The following ZCCHC4 variants were observed in gnomAD, a reference collection of about 807,000 sequenced individuals.
ZCCHC4 encodes the protein zinc finger CCHC-type containing 4, also known as rRNA N(6)-adenosine-methyltransferase ZCCHC4.
ZCCHC4 carries 54 observed loss-of-function variants against 67.7 expected under a neutral mutation model. The ratio of observed to expected loss-of-function variants is 0.80; its 90% CI spans 0.64 to 1.00. The LOEUF is 1.00. Ranked by LOEUF, ZCCHC4 falls within the 50% of genes least tolerant of loss-of-function variation. The pLI, the probability that ZCCHC4 is intolerant of heterozygous loss-of-function variation, is 0.00. For missense variants in ZCCHC4, 609 were observed against 617.0 expected (o/e 0.99, Z 0.14); for synonymous variants, 198 against 213.5 (o/e 0.93, Z 0.63).
At chr4:25,355,261 A>C (rs75976397) in intron 8 of ZCCHC4, among the ~76,000 whole-genome samples, 1 of 152,196 alleles carries the variant, frequency 6.6e-6, no homozygotes, top group East Asian at 1.9e-4. Context: ...AAGTCACTTT[A>C]TCTCTCCAGG....
intron 1 of ZCCHC4, among the ~76,000 whole-genome samples, chr4:25,313,514 CG>C (rs2109042740): frequency 6.6e-6 from 1 of 152,210 alleles, no homozygotes; most frequent in East Asian, 1.9e-4. Flanking sequence ...CTGAAGAGAC[CG>C]GTTTTCAAAA....
In ZCCHC4 at chr4:25,312,851, G is replaced by C; in HGVS notation, c.42G>C (p.Glu14Asp). ...SRNGFEAVEA[E>D]GSAGCRGSSG... is the part of the protein sequence containing the mutation. The stretch of plus-strand genomic sequence containing the variant: ...ATGGGTTTGAAGCCGTGGAGGCAGA[G>C]GGCAGCGCAGGGTGCCGGGGAAGCT... The change falls in exon 1 of 13, where the codon GAG becomes GAC. Residue 14 changes from glutamate (E) to aspartate (D), a missense_variant. Transcript: ENST00000302874. 1 of 1,613,270 alleles carries C rather than the reference G, an allele frequency of 6.2e-7. No individual in the cohort carries two copies. The highest frequency in any genetic ancestry group is 8.5e-7 in the Non-Finnish European group (1 of 1,180,038).
chr4:25,356,966 C>A (rs552787960), intron 8 of ZCCHC4, among the ~76,000 whole-genome samples: 79 of 152,284 alleles, frequency 5.2e-4, no homozygotes, highest in African/African-American at 1.8e-3. Context: ...CCACTAAATT[C>A]ATGACCAGCC....
At chr4:25,330,642 TTG>T (rs1719128985) in intron 3 of ZCCHC4, among the ~76,000 whole-genome samples, 1 of 152,238 alleles carries the variant, frequency 6.6e-6, no homozygotes, top group East Asian at 1.9e-4. Flanking sequence ...GACCCTGCTT[TTG>T]AAGACTTGTC....
chr4:25,364,981 G>A lies in ZCCHC4; in HGVS notation c.1262-41G>A, dbSNP rs766871766. ...AAAAGTTAATAAGATGAAAAATTAC[G>A]TTACATGAACTTCCTTTAAAACTTA... is the stretch of plus-strand genomic sequence containing the variant. On this transcript the variant is annotated intron_variant, in intron 11 of 12. Transcript: ENST00000302874. 1.8e-5 allele frequency: 29 copies of A among 1,609,386 alleles called. No individual in the cohort carries two copies. The East Asian group carries it at 2.2e-4, about 12-fold the overall frequency.
At chr4:25,315,226 T>A in intron 2 of ZCCHC4, 92 bp from the exon 3 acceptor site, 1 of 1,153,146 alleles carries the variant, frequency 8.7e-7, no homozygotes, top group Non-Finnish European at 1.2e-6. Flanking sequence ...TTGGTTGAAT[T>A]TCTGACTTCT....
chr4:25,320,484 A>T (rs577697429), intron 3 of ZCCHC4, among the ~76,000 whole-genome samples: 167 of 152,362 alleles, frequency 1.1e-3, no homozygotes, highest in African/African-American at 3.9e-3. Context: ...ATCAATAAAA[A>T]TGACATTTCA....
Position 25,359,134 on chromosome 4 carries a change from A to G in ZCCHC4, c.1012-2725A>G, listed in dbSNP as rs551938194. Among the ~76,000 whole-genome samples, 48 of 152,326 alleles carry G rather than the reference A, an allele frequency of 3.2e-4. No homozygotes were observed. The highest frequency in any genetic ancestry group is 6.5e-4 in the African/African-American group (27 of 41,580). On this transcript the variant is annotated intron_variant, in intron 8 of 12. Transcript: ENST00000302874. The surrounding 1 kb of genome is among the most constrained non-coding windows in gnomAD (Gnocchi z 4.9). ...AGCTGTGCTGCTTGGATGGGCTCCA[A>G]TGGAAACCTGGGCAGCAGTAGATGG...
chr4:25,325,430 G>A (rs1434814180), intron 3 of ZCCHC4, among the ~76,000 whole-genome samples: 1 of 151,194 alleles, frequency 6.6e-6, no homozygotes, highest in African/African-American at 2.4e-5. Context: ...ACCACACCCG[G>A]CTAATTTTTT....
intron 3 of ZCCHC4, among the ~76,000 whole-genome samples, chr4:25,320,579 G>A (rs1393734599): frequency 1.3e-5 from 2 of 152,182 alleles, no homozygotes; most frequent in African/African-American, 2.4e-5. Flanking sequence ...TTGTAAATAC[G>A]AATAAGGGGG....
Position 25,349,570 on chromosome 4 carries a change from G to A in ZCCHC4, c.838G>A (p.Gly280Ser), listed in dbSNP as rs1477996607. The change falls in exon 7 of 13, where the codon GGT becomes AGT. Residue 280 changes from glycine (G) to serine (S), a missense_variant. Transcript: ENST00000302874. ...GIIMVTDPPF[G>S]GLVEPLAITF... ...CATTATGGTGACGGATCCTCCGTTT[G>A]GTGGCTTGGTTGAACCTCTGGCTAT... 9 of 1,613,896 alleles carry A rather than the reference G, an allele frequency of 5.6e-6. No individual in the cohort carries two copies. Among genetic ancestry groups the A allele is most frequent in the African/African-American group, 1.3e-5 (1 of 74,900 alleles).
At position 25,368,027 on chromosome 4, in the gene ZCCHC4, T is replaced by G. The variant is rs541297047; in HGVS notation, c.1407-1002T>G. Among the ~76,000 whole-genome samples the G allele has an allele frequency of 2.6e-5, 4 of 152,336 alleles. No individual in the cohort carries two copies. In the East Asian group the frequency reaches 7.7e-4, roughly 29 times the overall value. ...CTCCCAGCTCCTTGAAGTCAAAGATTATGCCCATTCATTTTTGTTTTCTCA... is the reference window on the plus strand; with the variant it reads ...CTCCCAGCTCCTTGAAGTCAAAGATGATGCCCATTCATTTTTGTTTTCTCA... On this transcript the variant is annotated intron_variant, in intron 12 of 12. Transcript: ENST00000302874.
At chr4:25,349,828 A>T in intron 7 of ZCCHC4, 186 bp downstream of exon 7, 2 of 619,508 alleles carry the variant, frequency 3.2e-6, no homozygotes, top group Non-Finnish European at 5.4e-6. Context: ...TATTCTAATC[A>T]TGTGGATTTT....
chr4:25,335,146 G>A (rs186018548), intron 5 of ZCCHC4, among the ~76,000 whole-genome samples: 25 of 152,288 alleles, frequency 1.6e-4, no homozygotes, highest in South Asian at 8.3e-4. Flanking sequence ...TAAAATGTCC[G>A]TTTAAAAAGT....
intron 8 of ZCCHC4, among the ~76,000 whole-genome samples, chr4:25,358,656 G>A (rs1720603942): frequency 6.6e-6 from 1 of 152,216 alleles, no homozygotes; most frequent in East Asian, 1.9e-4. Context: ...GCTTTAGTCA[G>A]GAGTAGGCCA....
At chr4:25,363,858 G>A (rs1720846777) in intron 10 of ZCCHC4, among the ~76,000 whole-genome samples, 1 of 152,176 alleles carries the variant, frequency 6.6e-6, no homozygotes, top group Non-Finnish European at 1.5e-5. Context: ...GTGTTATTTG[G>A]AGGGGAAGGG....
At chr4:25,332,236 A>G (rs1032166960) in intron 3 of ZCCHC4, among the ~76,000 whole-genome samples, 2 of 144,024 alleles carry the variant, frequency 1.4e-5, no homozygotes, top group Admixed American at 1.5e-4. Flanking sequence ...TGAACCCGAG[A>G]GGTGGAGGCT....
rs767786726 is a variant in ZCCHC4 at position 25,365,150 on chromosome 4, T to C, written c.1390T>C (p.Ser464Pro). The stretch of plus-strand genomic sequence containing the variant: ...CAGTACTTGTCCTAACATTGCTACA[T>C]CTAAGAGAGCTAACAAGTCAGTCGA... Reference protein sequence around the residue: ...KRSTCPNIATSKRANKAVRKQ... With the variant: ...KRSTCPNIATPKRANKAVRKQ... The change falls in exon 12 of 13, where the codon TCT becomes CCT. Residue 464 changes from serine to proline, a missense_variant. Ser to Pro is a moderately conservative substitution (Grantham distance 74, BLOSUM62 -1). Coordinates refer to ENST00000302874, the MANE Select transcript of ZCCHC4 (RefSeq NM_024936.3). 7.4e-6 allele frequency: 12 copies of C among 1,614,100 alleles called. No homozygotes were observed. Among genetic ancestry groups the C allele is most frequent in the Middle Eastern group, 1.6e-4 (1 of 6,062 alleles).
intron 5 of ZCCHC4, among the ~76,000 whole-genome samples, chr4:25,337,429 A>G (rs1489199611): frequency 2.0e-5 from 3 of 152,136 alleles, no homozygotes; most frequent in Non-Finnish European, 4.4e-5. Flanking sequence ...AAGTTTATCT[A>G]GTTTTCAGCT....
Sources: gnomAD v4.1 joint callset for allele counts (sites outside exome capture counted in the v4.1 genomes callset) on GRCh38, gnomAD v4.1.1 for gene constraint, Gnocchi (gnomAD v3.1) non-coding constraint, MANE v1.5 for transcripts, NCBI Gene and HGNC (gene_info 2026-07-23, HGNC 2026-07-21) for gene names.